LRRC2: variants seen among roughly 807,000 people sequenced by gnomAD.
The protein encoded by LRRC2 is leucine rich repeat containing 2.
Under a neutral mutation model 40.2 loss-of-function variants are expected in LRRC2, and 27 were observed. The ratio of observed to expected loss-of-function variants is 0.67; its 90% CI spans 0.49 to 0.93. The LOEUF (loss-of-function observed/expected upper bound fraction) is 0.93. Among genes scored for constraint, LRRC2 ranks in the 40% least tolerant of loss-of-function variants. The probability of loss-of-function intolerance (pLI) is 0.00; values close to 1 mark genes in which losing one functional copy is unlikely to be tolerated. For missense variants in LRRC2, 402 were observed against 439.6 expected (o/e 0.91, Z 0.76); for synonymous variants, 147 against 158.9 (o/e 0.92, Z 0.56).
chr3:46,525,452 T>C (rs1704042394), intron 7 of LRRC2, among the ~76,000 whole-genome samples: 4 of 151,986 alleles, frequency 2.6e-5, no homozygotes, highest in Admixed American at 2.6e-4. Context: ...TATCTCGCTA[T>C]GTTACCCACA....
In LRRC2 at chr3:46,539,102, C is replaced by T; in HGVS notation, c.433G>A (p.Ala145Thr). Residue 145 changes from alanine (A) to threonine (T), a missense_variant, in exon 4 of 9, where the codon GCG (alanine) becomes ACG (threonine). Transcript: ENST00000395905. ...TTTGGCAGATCCAGAATTCTCATCG[C>T]TTGAAATAACTGAATATATGTAGGA... ...IIPTYIQLFQ[A>T]MRILDLPKNQ... 6.2e-7 allele frequency: 1 copy of T among 1,613,902 alleles called. No individual in the cohort carries two copies. Among genetic ancestry groups the T allele is most frequent in the Non-Finnish European group, 8.5e-7 (1 of 1,179,920 alleles).
At chr3:46,550,489 T>C (rs527526140) in intron 2 of LRRC2, among the ~76,000 whole-genome samples, 5 of 148,346 alleles carry the variant, frequency 3.4e-5, no homozygotes, top group African/African-American at 1.2e-4. Context: ...GTTCACGCCA[T>C]TCTCCTGCCT....
At chr3:46,550,537 G>A (rs1305562007) in intron 2 of LRRC2, among the ~76,000 whole-genome samples, 1 of 151,826 alleles carries the variant, frequency 6.6e-6, no homozygotes. Flanking sequence ...GACTACAGGC[G>A]CCCGCCACCA....
chr3:46,520,050 A>T (rs943149327), intron 8 of LRRC2, among the ~76,000 whole-genome samples: 1 of 151,366 alleles, frequency 6.6e-6, no homozygotes, highest in African/African-American at 2.4e-5. Context: ...TAAACAAATT[A>T]AAAATCTATC....
In LRRC2 at chr3:46,527,440, T is replaced by A. The variant is rs752025282; in HGVS notation, c.915A>T (p.Ser305=). Residue 305 remains serine, a synonymous_variant, in exon 7 of 9, where the codon TCA becomes TCT. Transcript: ENST00000395905. ...LVELPTALCD[S]STPLKFVSLM... ...GGGCTACTCACTTTAAAGGTGTGGA[T>A]GAGTCACAAAGGGCAGTTGGGAGCT... The A allele has an allele frequency of 6.2e-7, 1 of 1,613,880 alleles. No individual in the cohort carries two copies. Among genetic ancestry groups the A allele is most frequent in the Non-Finnish European group, 8.5e-7 (1 of 1,179,820 alleles).
intron 4 of LRRC2, among the ~76,000 whole-genome samples, chr3:46,533,833 G>A (rs1373693116): frequency 1.5e-5 from 1 of 64,876 alleles, no homozygotes; most frequent in Admixed American, 1.4e-4. Flanking sequence ...TTCTCTCTCT[G>A]CCTGTCTTTC....
At chr3:46,535,559 C>G (rs1341141613) in intron 4 of LRRC2, among the ~76,000 whole-genome samples, 1 of 152,096 alleles carries the variant, frequency 6.6e-6, no homozygotes, top group Non-Finnish European at 1.5e-5. Flanking sequence ...ATCATTCTGA[C>G]CCCTTATCCT....
chr3:46,553,182 C>CAAAA lies in LRRC2; in HGVS notation c.-19-1576_-19-1573dup, dbSNP rs10676856. ...GTTTTAAGTAATTATTTGATCATTGCAAAAAAAAAAAATTGTCAGGACAGA... is the reference window on the plus strand; with the variant it reads ...GTTTTAAGTAATTATTTGATCATTGCAAAAAAAAAAAAAAAATTGTCAGGACAGA... On this transcript the variant is annotated intron_variant, in intron 1 of 8. Transcript: ENST00000395905. 5.5e-4 allele frequency among the ~76,000 whole-genome samples: 82 copies of CAAAA among 149,484 alleles called. 1 individual carries two copies. The highest frequency in any genetic ancestry group is 3.4e-3 in the Middle Eastern group (1 of 292).
chr3:46,532,663 A>ATAT, intron 5 of LRRC2, 110 bp downstream of exon 5: 1 of 1,176,012 alleles, frequency 8.5e-7, no homozygotes, highest in Non-Finnish European at 1.2e-6. Context: ...GGAAAAGGTG[A>ATAT]TATAATAAAG....
At position 46,518,612 on chromosome 3, in the gene LRRC2, T is replaced by G. The variant is rs1323390960; in HGVS notation, c.*402A>C. Reference sequence around the variant, plus strand: ...CCGGACCTCAGGTGATCCACCCACTTCGGCCTCCCAAAGTGCTGGGATTAC... The same window carrying G: ...CCGGACCTCAGGTGATCCACCCACTGCGGCCTCCCAAAGTGCTGGGATTAC... On this transcript the variant is annotated 3_prime_UTR_variant, in exon 9 of 9. Coordinates refer to ENST00000395905, the MANE Select transcript of LRRC2 (RefSeq NM_024512.5). 1 of 154,738 alleles carries G rather than the reference T, an allele frequency of 6.5e-6. No homozygotes were observed. 9.6% of individuals were successfully genotyped at this position (154,738 alleles called of 1,614,324 possible). A position where few individuals can be genotyped will look rare whatever the true frequency, so the allele number is the denominator to read the frequency against.
Position 46,535,207 on chromosome 3 carries a change from C to T in LRRC2, c.491-2298G>A, listed in dbSNP as rs186923270. 5.3e-5 allele frequency among the ~76,000 whole-genome samples: 8 copies of T among 152,228 alleles called. No homozygotes were observed. In the East Asian group the frequency reaches 1.4e-3, roughly 26 times the overall value. On this transcript the variant is annotated intron_variant, in intron 4 of 8. Coordinates refer to ENST00000395905, the MANE Select transcript of LRRC2 (RefSeq NM_024512.5). ...CCTAAATCATTCTAAGAACATCTCC[C>T]TTTTTATTATTGTGTTCTTTTCTTA...
At position 46,539,203 on chromosome 3, in the gene LRRC2, T is replaced by G. The variant is rs771713998; in HGVS notation, c.334-2A>C. The G allele has an allele frequency of 5.0e-6, 8 of 1,613,136 alleles. No homozygotes were observed. Among genetic ancestry groups the G allele is most frequent in the Non-Finnish European group, 6.8e-6 (8 of 1,179,532 alleles). The stretch of plus-strand genomic sequence containing the variant: ...CTCCTTCAATGAATCTGGGAGCTCC[T>G]AAAATAGAAAGAATGACATCAATCA... On this transcript the variant is annotated splice_acceptor_variant, in intron 3 of 8. Coordinates refer to ENST00000395905, the MANE Select transcript of LRRC2 (RefSeq NM_024512.5). LOFTEE classifies it high-confidence loss of function.
chr3:46,557,307 C>T (rs921676384), intron 1 of LRRC2: 2 of 152,390 alleles, frequency 1.3e-5, no homozygotes, highest in Admixed American at 6.5e-5. Context: ...GACCCCCACT[C>T]CTGCCTGCCA....
chr3:46,536,684 G>C (rs1191130014), intron 4 of LRRC2, among the ~76,000 whole-genome samples: 2 of 152,206 alleles, frequency 1.3e-5, no homozygotes, highest in African/African-American at 2.4e-5. Context: ...GAATTGGTCT[G>C]CAGTGGATCT....
At chr3:46,561,942 T>C (rs1022992999) in intron 1 of LRRC2, among the ~76,000 whole-genome samples, 19 of 152,196 alleles carry the variant, frequency 1.2e-4, no homozygotes, top group Non-Finnish European at 2.8e-4. Context: ...CAGGTTATAG[T>C]TTACTGATCC....
In LRRC2 at chr3:46,551,751, C is replaced by CTTT. The variant is rs748541390; in HGVS notation, c.-19-144_-19-142dup. 637 of 138,778 alleles carry CTTT rather than the reference C, an allele frequency of 4.6e-3. 11 individuals are homozygous for CTTT. The highest frequency in any genetic ancestry group is 0.031 in the East Asian group (82 of 2,630). The allele number at this position is 138,778 out of a possible 1,614,324, so 8.6% of individuals were successfully genotyped here. ...TTACTACTTCAAGGATGACAGTTTG[C>CTTT]TTTTTTTTTTTTTTTTTTTTTTTAG... On this transcript the variant is annotated intron_variant, in intron 1 of 8. Coordinates refer to ENST00000395905, the MANE Select transcript of LRRC2 (RefSeq NM_024512.5).
At chr3:46,559,374 C>T (rs1300317128) in intron 1 of LRRC2, 2 of 152,190 alleles carry the variant, frequency 1.3e-5, no homozygotes, top group Admixed American at 1.3e-4. Flanking sequence ...GTAAAGTTAA[C>T]TGTATTTGAG....
At chr3:46,547,002 ACCT>A (rs2107028775) in intron 2 of LRRC2, among the ~76,000 whole-genome samples, 1 of 152,044 alleles carries the variant, frequency 6.6e-6, no homozygotes, top group East Asian at 1.9e-4. Context: ...CATTGTAATC[ACCT>A]CCTGGCATCC....
chr3:46,559,853 T>A (rs926981835), intron 1 of LRRC2, among the ~76,000 whole-genome samples: 2 of 152,222 alleles, frequency 1.3e-5, no homozygotes, highest in Non-Finnish European at 2.9e-5. Flanking sequence ...ATTTTCCCTG[T>A]GTTTTTAAAA....
Sources: gnomAD v4.1 joint callset for allele counts (sites outside exome capture counted in the v4.1 genomes callset) on GRCh38, gnomAD v4.1.1 for gene constraint, MANE v1.5 for transcripts, NCBI Gene and HGNC (gene_info 2026-07-23, HGNC 2026-07-21) for gene names.